GNAO1: variants seen among roughly 807,000 people sequenced by gnomAD.
GNAO1 encodes G protein subunit alpha o1.
For missense variants in GNAO1, 166 were observed against 478.7 expected (o/e 0.35, Z 6.10); for synonymous variants, 164 against 180.7 (o/e 0.91, Z 0.74).
chr16:56,354,672 G>A lies in GNAO1; in HGVS notation c.878-194G>A, dbSNP rs1420307827. On this transcript the variant is annotated intron_variant, in intron 7 of 8. Transcript: ENST00000262493. This position sits in a 1 kb window ranked among gnomAD's most constrained non-coding sequence, Gnocchi z 4.3. ...GCCTGGGCAATAAGAGCAAAACTCT[G>A]TCTCAAAAAAATAGTTCTTTAATTT... Among the ~76,000 whole-genome samples, 1 of 152,144 alleles carries A rather than the reference G, an allele frequency of 6.6e-6. No homozygotes were observed. The highest frequency in any genetic ancestry group is 1.5e-5 in the Non-Finnish European group (1 of 68,012).
chr16:56,213,909 C>T (rs147836189), intron 2 of GNAO1, among the ~76,000 whole-genome samples: 3 of 152,068 alleles, frequency 2.0e-5, no homozygotes, highest in Non-Finnish European at 2.9e-5. Flanking sequence ...AAGACAGGGG[C>T]GGGAAAGAAA....
At chr16:56,278,534 C>T (rs1227338652) in intron 3 of GNAO1, among the ~76,000 whole-genome samples, 12 of 152,124 alleles carry the variant, frequency 7.9e-5, no homozygotes, top group African/African-American at 2.9e-4. Flanking sequence ...AGGAGACATG[C>T]CAGGCCAGAA....
rs976878772 is a variant in GNAO1 at position 56,194,079 on chromosome 16, C to T, written c.161+1463C>T. On this transcript the variant is annotated intron_variant, in intron 2 of 8. Transcript: ENST00000262493. ...GTGTAACAGGCATGACAAGCGGGTT[C>T]TAGGCGGCGCCATGATGGTAGGGAG... 2.4e-5 allele frequency: 11 copies of T among 456,324 alleles called. 1 individual carries two copies. The East Asian group carries it at 7.7e-4, about 32-fold the overall frequency. 28.3% of individuals were successfully genotyped at this position (456,324 alleles called of 1,614,324 possible).
chr16:56,194,493 G>T, intron 2 of GNAO1: 1 of 324,002 alleles, frequency 3.1e-6, no homozygotes, highest in South Asian at 2.6e-5. Flanking sequence ...GGTGGACAGC[G>T]CCCAGCCGAG....
At chr16:56,288,638 C>G (rs1410226155) in intron 3 of GNAO1, among the ~76,000 whole-genome samples, 2 of 152,200 alleles carry the variant, frequency 1.3e-5, no homozygotes, top group Non-Finnish European at 2.9e-5. Context: ...GCAAGAGTGG[C>G]CAGCGTGGGG....
chr16:56,244,308 G>A (rs1334373760), intron 2 of GNAO1, among the ~76,000 whole-genome samples: 1 of 152,006 alleles, frequency 6.6e-6, no homozygotes. Flanking sequence ...GGATAAAAGA[G>A]GGCCCCATCC....
At chr16:56,196,925 G>C (rs2036238445) in intron 2 of GNAO1, among the ~76,000 whole-genome samples, 1 of 152,192 alleles carries the variant, frequency 6.6e-6, no homozygotes, top group East Asian at 1.9e-4. Flanking sequence ...TGTCAGGAAA[G>C]GCTGTCTTAA....
At chr16:56,295,320 T>C (rs1320735644) in intron 3 of GNAO1, among the ~76,000 whole-genome samples, 1 of 152,148 alleles carries the variant, frequency 6.6e-6, no homozygotes. Context: ...GGGCAGGTCC[T>C]TCTCGTCTGT....
intron 3 of GNAO1, among the ~76,000 whole-genome samples, chr16:56,319,713 A>G (rs2037552910): frequency 6.6e-6 from 1 of 152,064 alleles, no homozygotes; most frequent in Non-Finnish European, 1.5e-5. Flanking sequence ...CCGGAGCATC[A>G]CTACCCTACC....
chr16:56,292,076 CTTGCTCCACA>C (rs1480015106), intron 3 of GNAO1, among the ~76,000 whole-genome samples: 1 of 152,334 alleles, frequency 6.6e-6, no homozygotes, highest in Admixed American at 6.5e-5. Flanking sequence ...CTGGCTCTTT[CTTGCTCCACA>C]TTGCTCCACA....
In GNAO1 at chr16:56,337,731, G is replaced by A. The variant is rs981364940; in HGVS notation, c.723+871G>A. On this transcript the variant is annotated intron_variant, in intron 6 of 8. Transcript: ENST00000262493. Reference sequence around the variant, plus strand: ...CTGGAGCTGTTTCTGGGACAGCAGCGCCAAGCTGGTGGTTGTACAGTTGCT... The same window carrying A: ...CTGGAGCTGTTTCTGGGACAGCAGCACCAAGCTGGTGGTTGTACAGTTGCT... Among the ~76,000 whole-genome samples the A allele has an allele frequency of 7.9e-5, 12 of 152,348 alleles. No homozygotes were observed. In the East Asian group the frequency reaches 1.5e-3, roughly 20 times the overall value.
At chr16:56,308,040 G>A (rs1401352660) in intron 3 of GNAO1, 1 of 152,258 alleles carries the variant, frequency 6.6e-6, no homozygotes, top group Non-Finnish European at 1.5e-5. Context: ...AAGGTAAGAA[G>A]AAGGGACAGA....
intron 2 of GNAO1, among the ~76,000 whole-genome samples, chr16:56,221,659 A>T (rs1365435117): frequency 6.6e-6 from 1 of 151,560 alleles, no homozygotes; most frequent in Admixed American, 6.6e-5. Context: ...CTCAAAAAAA[A>T]AAAAAAAAAA....
At position 56,351,871 on chromosome 16, in the gene GNAO1, G is replaced by A; in HGVS notation, c.877+334G>A. ...AGAAGAGGTCTCAGGACAGCCTCCT[G>A]TAATCTCAGCAGTGGCCTCCCCTCA... On this transcript the variant is annotated intron_variant, in intron 7 of 8. Coordinates refer to ENST00000262493, the MANE Select transcript of GNAO1 (RefSeq NM_020988.3). This position sits in a 1 kb window ranked among gnomAD's most constrained non-coding sequence, Gnocchi z 6.1. 1 of 255,748 alleles carries A rather than the reference G, an allele frequency of 3.9e-6. No homozygotes were observed. The highest frequency in any genetic ancestry group is 7.5e-6 in the Non-Finnish European group (1 of 132,756). 15.8% of individuals were successfully genotyped at this position (255,748 alleles called of 1,614,324 possible).
intron 2 of GNAO1, among the ~76,000 whole-genome samples, chr16:56,208,456 C>T (rs1033877912): frequency 5.3e-4 from 77 of 146,546 alleles, no homozygotes; most frequent in African/African-American, 6.8e-4. Context: ...TGTGCGCGCG[C>T]GCGCACGTGT....
At chr16:56,218,595 C>T (rs532120128) in intron 2 of GNAO1, among the ~76,000 whole-genome samples, 28 of 152,274 alleles carry the variant, frequency 1.8e-4, no homozygotes, top group African/African-American at 5.1e-4. Flanking sequence ...GACAGCAACC[C>T]GCTGCCCAGT....
intron 4 of GNAO1, among the ~76,000 whole-genome samples, chr16:56,333,788 T>C (rs1316476619): frequency 6.6e-6 from 1 of 152,260 alleles, no homozygotes; most frequent in East Asian, 1.9e-4. Context: ...CCCCACATCG[T>C]TCTGTGGTTC....
chr16:56,343,864 A>G (rs1276524211), intron 6 of GNAO1: 2 of 1,614,096 alleles, frequency 1.2e-6, no homozygotes, highest in Non-Finnish European at 1.7e-6. Flanking sequence ...CACCTGCGCC[A>G]CGGACACCAA....
chr16:56,340,868 G>A, intron 6 of GNAO1: 1 of 1,613,974 alleles, frequency 6.2e-7, no homozygotes, highest in Non-Finnish European at 8.5e-7. Context: ...CTTTTTGACA[G>A]CATCTGCAAC....
Sources: allele counts gnomAD v4.1 joint callset (sites outside exome capture counted in the v4.1 genomes callset), GRCh38; gene constraint gnomAD v4.1.1; non-coding constraint Gnocchi (gnomAD v3.1); transcripts MANE v1.5; gene names NCBI Gene and HGNC (gene_info 2026-07-23, HGNC 2026-07-21).